The following BABAM2 variants were observed in gnomAD, a reference collection of about 807,000 sequenced individuals.
BABAM2 encodes BRISC and BRCA1 A complex member 2.
In BABAM2, 31 loss-of-function variants were observed where a neutral mutation model predicts 54.7. The ratio of observed to expected loss-of-function variants is 0.57; its 90% CI spans 0.43 to 0.77. The LOEUF (loss-of-function observed/expected upper bound fraction) is 0.77, where lower values mean the gene tolerates loss of function less well. Ranked by LOEUF, BABAM2 falls within the 30% of genes least tolerant of loss-of-function variation. The pLI is 0.00. For missense variants in BABAM2, 364 were observed against 455.8 expected (o/e 0.80, Z 1.83); for synonymous variants, 167 against 162.9 (o/e 1.03, Z -0.19).
rs1665148205 is a variant in BABAM2 at position 27,894,704 on chromosome 2, C to T, written c.128+20C>T. 3.1e-6 allele frequency: 5 copies of T among 1,613,650 alleles called. No individual in the cohort carries two copies. In the East Asian group the frequency reaches 8.9e-5, roughly 29 times the overall value. ...ATCTGGGTATGTACCAGAATGAATT[C>T]AGTCAATGTACCAGAACCAATTCAA... On this transcript the variant is annotated intron_variant, in intron 2 of 11. Coordinates refer to ENST00000379624, the MANE Select transcript of BABAM2 (RefSeq NM_199191.3).
At chr2:27,925,085 C>T (rs1405182929) in intron 2 of BABAM2, among the ~76,000 whole-genome samples, 1 of 152,176 alleles carries the variant, frequency 6.6e-6, no homozygotes, top group East Asian at 1.9e-4. Context: ...ATAATTTTGA[C>T]TTGAGTGTGC....
chr2:28,148,276 A>G (rs575937732), intron 7 of BABAM2, among the ~76,000 whole-genome samples: 31 of 152,306 alleles, frequency 2.0e-4, no homozygotes, highest in Middle Eastern at 3.4e-3. Flanking sequence ...GGCTCCTCAG[A>G]GGCATGTGCT....
intron 6 of BABAM2, among the ~76,000 whole-genome samples, chr2:28,123,493 A>G (rs1669252664): frequency 6.6e-6 from 1 of 152,204 alleles, no homozygotes; most frequent in African/African-American, 2.4e-5. Flanking sequence ...AATGTCCCCT[A>G]CTATGCTGTA....
At chr2:28,201,131 G>A (rs1039084331) in intron 7 of BABAM2, among the ~76,000 whole-genome samples, 2 of 152,084 alleles carry the variant, frequency 1.3e-5, no homozygotes. Flanking sequence ...CCAAGGATCC[G>A]TGTCCTGTGT....
intron 2 of BABAM2, among the ~76,000 whole-genome samples, chr2:27,928,328 T>G (rs1667857956): frequency 6.6e-6 from 1 of 152,118 alleles, no homozygotes; most frequent in Non-Finnish European, 1.5e-5. Flanking sequence ...TTTTGAATTT[T>G]TAGTAAAGAT....
chr2:27,908,691 G>A (rs1473419424), intron 2 of BABAM2, among the ~76,000 whole-genome samples: 1 of 152,120 alleles, frequency 6.6e-6, no homozygotes, highest in Non-Finnish European at 1.5e-5. Context: ...CCACTTATAA[G>A]TGAGAACATG....
At chr2:28,139,045 C>T (rs1187254898) in intron 7 of BABAM2, among the ~76,000 whole-genome samples, 1 of 152,134 alleles carries the variant, frequency 6.6e-6, no homozygotes, top group Non-Finnish European at 1.5e-5. Flanking sequence ...GGACCATGTG[C>T]CCCAGATACC....
chr2:28,270,397 A>G (rs1685323931), intron 10 of BABAM2, among the ~76,000 whole-genome samples: 1 of 152,214 alleles, frequency 6.6e-6, no homozygotes. Context: ...CTGGGATTAC[A>G]GGCATGAGCC....
chr2:27,960,849 T>A (rs1670415387), intron 3 of BABAM2, among the ~76,000 whole-genome samples: 1 of 152,166 alleles, frequency 6.6e-6, no homozygotes, highest in East Asian at 1.9e-4. Flanking sequence ...TTTATTATCA[T>A]ACAATAATAA....
chr2:27,924,420 TG>T (rs894589736), intron 2 of BABAM2, among the ~76,000 whole-genome samples: 112 of 152,238 alleles, frequency 7.4e-4, no homozygotes, highest in African/African-American at 2.6e-3. Flanking sequence ...AGTCTCGCTC[TG>T]TTGCCCAGGC....
At chr2:28,071,041 T>A (rs1360981640) in intron 6 of BABAM2, among the ~76,000 whole-genome samples, 1 of 152,022 alleles carries the variant, frequency 6.6e-6, no homozygotes, top group East Asian at 1.9e-4. Flanking sequence ...GAGAATAAGA[T>A]CTGCCCCAAA....
chr2:28,096,673 C>A (rs1256062277), intron 6 of BABAM2, among the ~76,000 whole-genome samples: 1 of 152,044 alleles, frequency 6.6e-6, no homozygotes, highest in Non-Finnish European at 1.5e-5. Flanking sequence ...GTCAGCCATT[C>A]TCATACTATT....
chr2:28,040,458 G>A (rs1340397672), intron 5 of BABAM2, among the ~76,000 whole-genome samples: 3 of 150,782 alleles, frequency 2.0e-5, no homozygotes, highest in African/African-American at 7.3e-5. Context: ...CCGCCACTAC[G>A]CCCGGCTAAT....
At chr2:28,028,699 C>A (rs1469094884) in intron 5 of BABAM2, among the ~76,000 whole-genome samples, 1 of 152,120 alleles carries the variant, frequency 6.6e-6, no homozygotes. Flanking sequence ...TCTGCTAATT[C>A]TTTTAGGTTT....
intron 5 of BABAM2, among the ~76,000 whole-genome samples, chr2:28,026,862 A>T (rs13409915): frequency 1.2e-5 from 1 of 81,842 alleles, no homozygotes; most frequent in African/African-American, 5.9e-5. Flanking sequence ...TTATATATAT[A>T]GATATATATA....
At chr2:28,312,100 A>G (rs988275710) in intron 11 of BABAM2, among the ~76,000 whole-genome samples, 3 of 152,212 alleles carry the variant, frequency 2.0e-5, no homozygotes, top group Admixed American at 2.0e-4. Context: ...AGTCCAGCCA[A>G]GGCAGGAGGG....
rs907292177 is a variant in BABAM2, at chr2:28,016,017, T to A, written c.301-9209T>A. ...CATCTTTTGACTTCTTTTTCTTTTT[T>A]AAATTATCCTTACTGTCTGATTCAG... On this transcript the variant is annotated intron_variant, in intron 4 of 11. Transcript: ENST00000379624. The A allele has an allele frequency of 9.6e-6, 6 of 623,002 alleles. 1 individual carries two copies. The highest frequency in any genetic ancestry group is 3.2e-5 in the South Asian group (2 of 63,154). 38.6% of individuals were successfully genotyped at this position (623,002 alleles called of 1,614,324 possible).
At chr2:28,094,461 A>G (rs1286277034) in intron 6 of BABAM2, among the ~76,000 whole-genome samples, 1 of 152,170 alleles carries the variant, frequency 6.6e-6, no homozygotes, top group Non-Finnish European at 1.5e-5. Flanking sequence ...TTTAAAAATT[A>G]TAAACTAAGC....
At chr2:27,999,610 A>G (rs1345121647) in intron 4 of BABAM2, among the ~76,000 whole-genome samples, 1 of 152,242 alleles carries the variant, frequency 6.6e-6, no homozygotes, top group Non-Finnish European at 1.5e-5. Flanking sequence ...CCTTCTTCCT[A>G]GTATGATTTA....
Sources: allele counts gnomAD v4.1 joint callset (sites outside exome capture counted in the v4.1 genomes callset), GRCh38; gene constraint gnomAD v4.1.1; transcripts MANE v1.5; gene names NCBI Gene and HGNC (gene_info 2026-07-23, HGNC 2026-07-21).